The following TJP1 variants were observed in gnomAD, a reference collection of about 807,000 sequenced individuals.
TJP1 encodes tight junction protein 1, also known as tight junction protein ZO-1.
In TJP1, 43 loss-of-function variants were observed where a neutral mutation model predicts 194.2. That is an observed-to-expected ratio of 0.22 (90% CI 0.17 to 0.29). The LOEUF is 0.29. Ranked by LOEUF, TJP1 falls within the 10% of genes least tolerant of loss-of-function variation. The pLI, the probability that TJP1 is intolerant of heterozygous loss-of-function variation, is 1.00. For synonymous variants in TJP1, 801 were observed against 779.0 expected (o/e 1.03, Z -0.47); for missense variants, 1,971 against 2,185.7 (o/e 0.90, Z 1.96).
intron 2 of TJP1, among the ~76,000 whole-genome samples, chr15:29,932,094 G>T (rs2054735751): frequency 6.6e-6 from 1 of 152,130 alleles, no homozygotes; most frequent in South Asian, 2.1e-4. Flanking sequence ...CCTGTATCTT[G>T]TGCTGTCTCC....
intron 2 of TJP1, among the ~76,000 whole-genome samples, chr15:29,857,532 C>T (rs1239544480): frequency 1.3e-5 from 2 of 152,144 alleles, no homozygotes; most frequent in Admixed American, 6.5e-5. Flanking sequence ...GGACAAGAAG[C>T]GCAGGGAAGG....
At chr15:29,716,561 G>C (rs779236345) in intron 23 of TJP1, 50 bp downstream of exon 23, 4 of 1,338,422 alleles carry the variant, frequency 3.0e-6, no homozygotes, top group Non-Finnish European at 4.2e-6. Context: ...TGAACTGCAC[G>C]GGATTAATAT....
intron 18 of TJP1, among the ~76,000 whole-genome samples, chr15:29,724,523 C>G (rs1406399656): frequency 3.3e-5 from 5 of 152,280 alleles, no homozygotes; most frequent in Non-Finnish European, 7.4e-5. Flanking sequence ...CAGATGTAAG[C>G]AAGAACGATG....
At chr15:29,714,739 C>A (rs181723559) in intron 23 of TJP1, among the ~76,000 whole-genome samples, 76 of 151,364 alleles carry the variant, frequency 5.0e-4, no homozygotes, top group African/African-American at 1.7e-3. Context: ...GATGGGGTTT[C>A]ATCGTGTTAG....
Position 29,718,980 on chromosome 15 carries a change from G to A in TJP1, c.3162C>T (p.Leu1054=), listed in dbSNP as rs759944079. 8 of 1,614,060 alleles carry A rather than the reference G, an allele frequency of 5.0e-6. No homozygotes were observed. Among genetic ancestry groups the A allele is most frequent in the Admixed American group, 1.7e-5 (1 of 59,996 alleles). Residue 1054 remains leucine (L), a synonymous_variant, in exon 21 of 28, where the codon CTC becomes CTT. Transcript: ENST00000614355. ...ACTCGTATCTGTATGTGGGCTGCTC[G>A]AGGTCTCTGCTGGCTTGTTTCTCTA... ...PYVEKQASRD[L]EQPTYRYESS... is the part of the protein sequence containing the mutation.
chr15:29,928,007 G>C (rs569202000), intron 2 of TJP1, among the ~76,000 whole-genome samples: 1 of 152,032 alleles, frequency 6.6e-6, no homozygotes, highest in South Asian at 2.1e-4. Context: ...ACCCATCTCG[G>C]AGGAGAAATA....
At chr15:29,954,356 T>C (rs1205741177) in intron 2 of TJP1, among the ~76,000 whole-genome samples, 3 of 152,232 alleles carry the variant, frequency 2.0e-5, no homozygotes, top group African/African-American at 7.2e-5. Flanking sequence ...TGCAAATAAA[T>C]ATATTTTATG....
chr15:29,837,719 A>G (rs114250431), intron 2 of TJP1, among the ~76,000 whole-genome samples: 1,950 of 152,352 alleles, frequency 0.013, 47 homozygotes, highest in African/African-American at 0.045. Flanking sequence ...TAACAACAGC[A>G]AAAGATCATG....
intron 2 of TJP1, among the ~76,000 whole-genome samples, chr15:29,903,674 G>C (rs1297669457): frequency 6.6e-6 from 1 of 152,120 alleles, no homozygotes; most frequent in African/African-American, 2.4e-5. Flanking sequence ...TCAATCTCCC[G>C]ACCTTGTGAT....
chr15:29,718,304 C>T lies in TJP1; in HGVS notation c.3838G>A (p.Glu1280Lys), dbSNP rs1004192828. 1 of 1,613,958 alleles carries T rather than the reference C, an allele frequency of 6.2e-7. No individual in the cohort carries two copies. Residue 1280 changes from glutamate to lysine, a missense_variant, in exon 21 of 28, where the codon GAG becomes AAG. Around this residue, in one of 5 missense-constraint regions of TJP1, gnomAD observed 1,108 missense variants for 1,128.5 expected, o/e 0.98. Transcript: ENST00000614355. Reference sequence around the variant, plus strand: ...GTGTCATTTACATCCTTCTTGGTCTCTAAGGATGCAGATCTTTTGTTTTCA... The same window carrying T: ...GTGTCATTTACATCCTTCTTGGTCTTTAAGGATGCAGATCTTTTGTTTTCA... ...MFENKRSASL[E>K]TKKDVNDTGS...
chr15:29,735,904 G>C (rs1216749090), intron 11 of TJP1, among the ~76,000 whole-genome samples: 2 of 152,150 alleles, frequency 1.3e-5, no homozygotes, highest in Non-Finnish European at 2.9e-5. Flanking sequence ...TCAGGAAATT[G>C]CTAAGTGAAA....
intron 1 of TJP1, among the ~76,000 whole-genome samples, chr15:29,812,002 G>A (rs1449511926): frequency 3.9e-5 from 6 of 152,176 alleles, no homozygotes; most frequent in Non-Finnish European, 8.8e-5. Flanking sequence ...AATGTTTTTA[G>A]AAGACACAGC....
chr15:29,735,787 T>C (rs886219234), intron 11 of TJP1, among the ~76,000 whole-genome samples: 20 of 152,126 alleles, frequency 1.3e-4, no homozygotes, highest in Admixed American at 5.2e-4. Flanking sequence ...AGAATGACCA[T>C]ATCAGATCAG....
At chr15:29,937,746 A>G (rs889282445) in intron 2 of TJP1, among the ~76,000 whole-genome samples, 1 of 152,202 alleles carries the variant, frequency 6.6e-6, no homozygotes, top group African/African-American at 2.4e-5. Context: ...GGCTTTTCCA[A>G]AATGACCCTC....
Position 29,766,346 on chromosome 15 carries a change from C to G in TJP1, c.509G>C (p.Arg170Pro). Reference sequence around the variant, plus strand: ...GGAAGCCACTGACCGCCTGTCTGACCGCGGGGACAAGCTCCTCTCTCTACT... The same window carrying G: ...GGAAGCCACTGACCGCCTGTCTGACGGCGGGGACAAGCTCCTCTCTCTACT... ...SASRERSLSP[R>P]SDRRSVASSQ... is the part of the protein sequence containing the mutation. The change falls in exon 5 of 28, where the codon CGG (arginine) becomes CCG (proline). Residue 170 changes from arginine to proline, a missense_variant. Physicochemically the swap from Arg to Pro is moderately radical, Grantham distance 103. Coordinates refer to ENST00000614355, the MANE Select transcript of TJP1 (RefSeq NM_001330239.4). The G allele has an allele frequency of 6.2e-7, 1 of 1,614,200 alleles. No homozygotes were observed. The highest frequency in any genetic ancestry group is 8.5e-7 in the Non-Finnish European group (1 of 1,180,040).
chr15:29,949,610 TTCACCACCA>T (rs1567225610), intron 2 of TJP1, among the ~76,000 whole-genome samples: 1 of 22,956 alleles, frequency 4.4e-5, no homozygotes, highest in Non-Finnish European at 8.5e-5. Context: ...CACCTCCACC[TTCACCACCA>T]CCACCTCCAC....
intron 2 of TJP1, among the ~76,000 whole-genome samples, chr15:29,874,155 G>A (rs1364695617): frequency 6.6e-6 from 1 of 152,192 alleles, no homozygotes; most frequent in East Asian, 1.9e-4. Context: ...CCAAATGACA[G>A]TAACGGAGGT....
chr15:29,807,815 C>A (rs1043237497), intron 1 of TJP1, among the ~76,000 whole-genome samples: 2 of 151,604 alleles, frequency 1.3e-5, no homozygotes, highest in African/African-American at 4.8e-5. Context: ...TAGAAAAATG[C>A]AGAAAGATAC....
rs554266714 is a variant in TJP1 at position 29,726,801 on chromosome 15, T to C, written c.2291A>G (p.Asn764Ser). 148 of 1,614,102 alleles carry C rather than the reference T, an allele frequency of 9.2e-5. 2 individuals are homozygous for C. The South Asian group carries it at 1.5e-3, about 17-fold the overall frequency. ...CTCACTTGTAAAAAGATGGTGATTA[T>C]TTTTACGAAGTTTATGAGATCGCTC... Reference protein sequence around the residue: ...LYERSHKLRKNNHHLFTTTIN... With the variant: ...LYERSHKLRKSNHHLFTTTIN... The change falls in exon 17 of 28, where the codon AAT (asparagine) becomes AGT (serine). Residue 764 changes from asparagine (N) to serine (S), a missense_variant. Coordinates refer to ENST00000614355, the MANE Select transcript of TJP1 (RefSeq NM_001330239.4).
Sources: gnomAD v4.1 joint callset for allele counts (sites outside exome capture counted in the v4.1 genomes callset) on GRCh38, gnomAD v4.1.1 for gene constraint, gnomAD v4.1.1 regional missense constraint, MANE v1.5 for transcripts, NCBI Gene and HGNC (gene_info 2026-07-23, HGNC 2026-07-21) for gene names.